Variants in FARS2 observed in about 807,000 individuals in gnomAD.
The protein encoded by FARS2 is phenylalanine--tRNA ligase, mitochondrial.
In FARS2, 40 loss-of-function variants were observed where a neutral mutation model predicts 46.4. That is an observed-to-expected ratio of 0.86 (90% CI 0.67 to 1.12). The LOEUF is 1.12. Among genes scored for constraint, FARS2 ranks in the 50% most tolerant of loss-of-function variants. The pLI is 0.00. For synonymous variants in FARS2, 234 were observed against 214.9 expected, an observed-to-expected ratio of 1.09 and a Z score of -0.78; for missense variants, 513 against 567.9, an observed-to-expected ratio of 0.90 and a Z score of 0.98.
At chr6:5,438,889 A>G (rs1024704584) in intron 4 of FARS2, among the ~76,000 whole-genome samples, 5 of 152,146 alleles carry the variant, frequency 3.3e-5, no homozygotes, top group Middle Eastern at 3.2e-3. Flanking sequence ...GATAGTTCCA[A>G]TGTCTGGATC....
At chr6:5,723,608 C>A (rs906536091) in intron 6 of FARS2, among the ~76,000 whole-genome samples, 1 of 152,284 alleles carries the variant, frequency 6.6e-6, no homozygotes, top group African/African-American at 2.4e-5. Flanking sequence ...CTGCCTCTCT[C>A]GATCCATTTT....
intron 1 of FARS2, among the ~76,000 whole-genome samples, chr6:5,335,127 G>A (rs1011217605): frequency 5.3e-5 from 8 of 152,250 alleles, no homozygotes; most frequent in African/African-American, 1.2e-4. Flanking sequence ...CCCTGACAGC[G>A]TATGACTGTA....
intron 6 of FARS2, among the ~76,000 whole-genome samples, chr6:5,735,495 T>A (rs1210877432): frequency 6.6e-6 from 1 of 152,092 alleles, no homozygotes; most frequent in Non-Finnish European, 1.5e-5. Flanking sequence ...GCTGCCTGGG[T>A]CCTTGACCTC....
chr6:5,345,497 GT>G (rs1757172555), intron 1 of FARS2, among the ~76,000 whole-genome samples: 2 of 152,306 alleles, frequency 1.3e-5, no homozygotes, highest in South Asian at 2.1e-4. Flanking sequence ...CAAAAGTTCA[GT>G]TCTAGGTCTC....
At position 5,764,916 on chromosome 6, in the gene FARS2, T is replaced by C. The variant is rs1214208337; in HGVS notation, c.1218-6375T>C. ...TTAGAAAATCTCCTTCTTGGCACAC[T>C]TTGAACTGGAGAGCAGTGACACTCT... is the stretch of plus-strand genomic sequence containing the variant. On this transcript the variant is annotated intron_variant, in intron 6 of 6. Transcript: ENST00000274680. The surrounding 1 kb of genome is among the most constrained non-coding windows in gnomAD (Gnocchi z 4.1). Among the ~76,000 whole-genome samples the C allele has an allele frequency of 1.3e-5, 2 of 152,236 alleles. No individual in the cohort carries two copies. Among genetic ancestry groups the C allele is most frequent in the Non-Finnish European group, 2.9e-5 (2 of 68,036 alleles).
intron 6 of FARS2, among the ~76,000 whole-genome samples, chr6:5,675,198 A>G (rs1414166634): frequency 1.0e-5 from 1 of 97,358 alleles, no homozygotes; most frequent in African/African-American, 3.2e-5. Context: ...ATTTGCAGAT[A>G]GACACACACA....
chr6:5,404,833 T>C (rs1761471518), intron 3 of FARS2, 132 bp downstream of exon 3: 1 of 620,948 alleles, frequency 1.6e-6, no homozygotes, highest in Admixed American at 3.7e-5. Flanking sequence ...GGAGTCTTGC[T>C]CTGTCACCCA....
intron 2 of FARS2, among the ~76,000 whole-genome samples, chr6:5,380,626 C>CATTCA: frequency 6.6e-6 from 1 of 152,126 alleles, no homozygotes; most frequent in African/African-American, 2.4e-5. Flanking sequence ...GTGCCACTCG[C>CATTCA]ATAGTGTTGA....
intron 2 of FARS2, among the ~76,000 whole-genome samples, chr6:5,379,328 G>A (rs924835250): frequency 2.6e-5 from 4 of 152,168 alleles, no homozygotes. Flanking sequence ...AGCTATAAGA[G>A]CACATGTGTC....
At chr6:5,435,927 A>G (rs35746828) in intron 4 of FARS2, among the ~76,000 whole-genome samples, 3,972 of 152,372 alleles carry the variant, frequency 0.026, 92 homozygotes, top group Non-Finnish European at 0.041. Context: ...AAATAGGTAC[A>G]TGAACAGCTT....
intron 6 of FARS2, among the ~76,000 whole-genome samples, chr6:5,763,558 C>G (rs1762596409): frequency 6.6e-6 from 1 of 152,184 alleles, no homozygotes; most frequent in Non-Finnish European, 1.5e-5. Context: ...CCACTCCTGT[C>G]ACTGGGGGCA....
intron 4 of FARS2, among the ~76,000 whole-genome samples, chr6:5,523,932 G>A (rs1432032424): frequency 6.6e-6 from 1 of 152,148 alleles, no homozygotes; most frequent in Non-Finnish European, 1.5e-5. Context: ...CTAGGAGTGA[G>A]GGAAAGGCAA....
intron 6 of FARS2, among the ~76,000 whole-genome samples, chr6:5,757,595 G>T (rs1270653950): frequency 6.6e-6 from 1 of 152,188 alleles, no homozygotes; most frequent in Admixed American, 6.5e-5. Context: ...CTTTGAGGTG[G>T]GATATAGCTG....
intron 6 of FARS2, among the ~76,000 whole-genome samples, chr6:5,614,000 G>A (rs1317007813): frequency 6.6e-6 from 1 of 152,106 alleles, no homozygotes; most frequent in Non-Finnish European, 1.5e-5. Flanking sequence ...GGGGAAAAGG[G>A]CACATGAGAT....
At chr6:5,298,917 C>G (rs957459925) in intron 1 of FARS2, among the ~76,000 whole-genome samples, 3 of 149,580 alleles carry the variant, frequency 2.0e-5, no homozygotes, top group African/African-American at 7.4e-5. Context: ...CTTAGGGTGT[C>G]CTTATTAGCT....
intron 5 of FARS2, among the ~76,000 whole-genome samples, chr6:5,574,086 A>G (rs9378430): frequency 0.23 from 35,491 of 152,108 alleles, 4,271 homozygotes; most frequent in East Asian, 0.4. Flanking sequence ...TGCTAATTGC[A>G]TGTGCTTCTC....
chr6:5,520,743 A>G (rs534898585), intron 4 of FARS2, among the ~76,000 whole-genome samples: 118 of 152,358 alleles, frequency 7.7e-4, no homozygotes, highest in African/African-American at 2.7e-3. Context: ...TTCCTGAGAA[A>G]AATAACACAT....
intron 1 of FARS2, among the ~76,000 whole-genome samples, chr6:5,327,170 G>A (rs970927156): frequency 6.6e-6 from 1 of 152,160 alleles, no homozygotes; most frequent in African/African-American, 2.4e-5. Flanking sequence ...AACAAAAAAG[G>A]AAGGAAAAGA....
chr6:5,562,663 T>TA (rs1208950316), intron 5 of FARS2, among the ~76,000 whole-genome samples: 1 of 149,908 alleles, frequency 6.7e-6, no homozygotes, highest in Non-Finnish European at 1.5e-5. Flanking sequence ...TGGATATTCT[T>TA]AAAATGACAA....
Sources: gnomAD v4.1 joint callset for allele counts (sites outside exome capture counted in the v4.1 genomes callset) on GRCh38, gnomAD v4.1.1 for gene constraint, Gnocchi (gnomAD v3.1) non-coding constraint, MANE v1.5 for transcripts, NCBI Gene and HGNC (gene_info 2026-07-23, HGNC 2026-07-21) for gene names.